Variants in UBAP1L observed in about 807,000 individuals in gnomAD.
UBAP1L encodes ubiquitin associated protein 1 like, also known as ubiquitin-associated protein 1-like.
A neutral mutation model predicts 32.1 loss-of-function variants in UBAP1L; 32 were observed. The ratio of observed to expected loss-of-function variants is 1.00; its 90% confidence interval spans 0.75 to 1.34. UBAP1L has a LOEUF of 1.34. Ranked by LOEUF, UBAP1L falls within the 40% of genes most tolerant of loss-of-function variation. The pLI, the probability that UBAP1L is intolerant of heterozygous loss-of-function variation, is 0.00. For missense variants in UBAP1L, 516 were observed against 540.5 expected (o/e 0.95, Z 0.45); for synonymous variants, 243 against 250.2 (o/e 0.97, Z 0.27).
rs1337949341 is a variant in UBAP1L at position 65,094,293 on chromosome 15, C to T, written c.1011+182G>A. On this transcript the variant is annotated intron_variant, in intron 5 of 5. Transcript: ENST00000559089. This position sits in a 1 kb window ranked among gnomAD's most constrained non-coding sequence, Gnocchi z 4.2. Reference sequence around the variant, plus strand: ...CTCCCTCTGTGCCTCTCACCTTTGTCCCTGCTGTAGCTCCCTGGGCCATCT... The same window carrying T: ...CTCCCTCTGTGCCTCTCACCTTTGTTCCTGCTGTAGCTCCCTGGGCCATCT... Among the ~76,000 whole-genome samples, 1 of 152,192 alleles carries T rather than the reference C, an allele frequency of 6.6e-6. No individual in the cohort carries two copies. The highest frequency in any genetic ancestry group is 1.5e-5 in the Non-Finnish European group (1 of 68,028).
chr15:65,110,384 CAAA>C (rs1566969680), intron 1 of UBAP1L, among the ~76,000 whole-genome samples: 1 of 130,662 alleles, frequency 7.7e-6, no homozygotes, highest in African/African-American at 2.9e-5. Flanking sequence ...ACAAAACAAA[CAAA>C]AAAAACTTGG....
In UBAP1L at chr15:65,093,151, G is replaced by T; in HGVS notation, c.1092C>A (p.Val364=). The part of the protein sequence containing the change: ...QQDRIKEVLL[V]HGNRREQALE... The stretch of plus-strand genomic sequence containing the variant: ...GGGCTTGCTCTCGGCGGTTGCCATG[G>T]ACCAGCAGCACCTCCTTGATCCGGT... Residue 364 remains valine (V), a synonymous_variant, in exon 6 of 6, where the codon GTC becomes GTA. Transcript: ENST00000559089. 3 of 1,549,520 alleles carry T rather than the reference G, an allele frequency of 1.9e-6. No individual in the cohort carries two copies. The highest frequency in any genetic ancestry group is 1.7e-6 in the Non-Finnish European group (2 of 1,146,592).
At chr15:65,101,929 A>C (rs1158686348) in intron 3 of UBAP1L, among the ~76,000 whole-genome samples, 177 bp downstream of exon 3, 1 of 152,070 alleles carries the variant, frequency 6.6e-6, no homozygotes, top group Non-Finnish European at 1.5e-5. Context: ...GGACTACTCT[A>C]CTCTAGTCAA....
chr15:65,092,967 A>C lies in UBAP1L; in HGVS notation c.*130T>G. ...GCTGCTGTTAACTGTCACCCTTGGT[A>C]TTATTTGTGTTTTTACAATAAGTAT... is the stretch of plus-strand genomic sequence containing the variant. On this transcript the variant is annotated 3_prime_UTR_variant, in exon 6 of 6. Coordinates refer to ENST00000559089, the MANE Select transcript of UBAP1L (RefSeq NM_001163692.2). 8.1e-7 allele frequency: 1 copy of C among 1,227,660 alleles called. No homozygotes were observed. The highest frequency in any genetic ancestry group is 1.1e-6 in the Non-Finnish European group (1 of 912,056). The allele number at this position is 1,227,660 out of a possible 1,614,324, so 76.0% of individuals were successfully genotyped here. A position where few individuals can be genotyped will look rare whatever the true frequency, so the allele number is the denominator to read the frequency against.
chr15:65,099,103 T>C (rs1420894858), intron 4 of UBAP1L: 1 of 181,222 alleles, frequency 5.5e-6, no homozygotes, highest in African/African-American at 2.4e-5. Context: ...GAGTGAACTC[T>C]ATTAGAAGAA....
At chr15:65,105,597 T>A in intron 2 of UBAP1L, 1 of 615,358 alleles carries the variant, frequency 1.6e-6, no homozygotes, top group South Asian at 1.5e-5. Flanking sequence ...AGGTTCAAAT[T>A]TTCGTGTTCA....
At chr15:65,100,204 A>G (rs1223831262) in intron 3 of UBAP1L, 1 of 151,996 alleles carries the variant, frequency 6.6e-6, no homozygotes, top group Admixed American at 6.6e-5. Context: ...AGATCGCACC[A>G]TTGCACTCCA....
At chr15:65,097,652 A>G (rs912013649) in intron 4 of UBAP1L, 3 of 152,204 alleles carry the variant, frequency 2.0e-5, no homozygotes, top group Non-Finnish European at 4.4e-5. Context: ...GATTCATGCA[A>G]GAAAATGTTC....
At chr15:65,112,834 G>A (rs2087377430) in intron 1 of UBAP1L, among the ~76,000 whole-genome samples, 1 of 152,090 alleles carries the variant, frequency 6.6e-6, no homozygotes, top group African/African-American at 2.4e-5. Flanking sequence ...TGAGCCAGGT[G>A]CACGAGTACT....
In UBAP1L at chr15:65,106,302, C is replaced by T; in HGVS notation, c.-87G>A. The T allele has an allele frequency of 1.5e-6, 2 of 1,367,196 alleles. No homozygotes were observed. Among genetic ancestry groups the T allele is most frequent in the South Asian group, 3.2e-5 (2 of 63,006 alleles). 84.7% of individuals were successfully genotyped at this position (1,367,196 alleles called of 1,614,324 possible). A position where few individuals can be genotyped will look rare whatever the true frequency, so the allele number is the denominator to read the frequency against. The stretch of plus-strand genomic sequence containing the variant: ...AGAGTCGAGTCCTGAGGACCAGGCT[C>T]AGGCCTCAAATGGCCTCACTGCTCT... On this transcript the variant is annotated 5_prime_UTR_variant, in exon 2 of 6. Coordinates refer to ENST00000559089, the MANE Select transcript of UBAP1L (RefSeq NM_001163692.2).
rs1162907058 is a variant in UBAP1L, at chr15:65,102,401, C to A, written c.404G>T (p.Ser135Ile). ...GCACAGGCGACGGCCGGGGCCGGGG[C>A]TCGCCGGGGAGCCCGGTTGGAGGCT... Reference protein sequence around the residue: ...PSSLQPGSPASPGPGRRLCSL... With the variant: ...PSSLQPGSPAIPGPGRRLCSL... The change falls in exon 3 of 6, where the codon AGC becomes ATC. Residue 135 changes from serine to isoleucine, a missense_variant. By Grantham distance (142) the Ser-to-Ile change is moderately radical. Coordinates refer to ENST00000559089, the MANE Select transcript of UBAP1L (RefSeq NM_001163692.2). The surrounding 1 kb of genome is among the most constrained non-coding windows in gnomAD (Gnocchi z 5.0). 4.9e-6 allele frequency: 7 copies of A among 1,431,388 alleles called. No homozygotes were observed. In the East Asian group the frequency reaches 8.5e-5, roughly 17 times the overall value. 88.7% of individuals were successfully genotyped at this position (1,431,388 alleles called of 1,614,324 possible). A position where few individuals can be genotyped will look rare whatever the true frequency, so the allele number is the denominator to read the frequency against.
chr15:65,110,403 C>T (rs973606973), intron 1 of UBAP1L, among the ~76,000 whole-genome samples: 4 of 150,508 alleles, frequency 2.7e-5, no homozygotes, highest in African/African-American at 7.4e-5. Context: ...CTTGGCCGGG[C>T]GTGGTGGCTA....
In UBAP1L at chr15:65,109,396, T is replaced by G. The variant is rs558132732; in HGVS notation, c.-173-3008A>C. Among the ~76,000 whole-genome samples the G allele has an allele frequency of 3.2e-3, 431 of 135,308 alleles. 1 individual carries two copies. Among genetic ancestry groups the G allele is most frequent in the Non-Finnish European group, 5.7e-3 (374 of 65,478 alleles). 88.8% of individuals were successfully genotyped at this position (135,308 alleles called of 152,430 possible). ...TACTCAGGAGGCTGAGGCAGGAGAA[T>G]GGCATGAACCCAGGAGGCGGAGCTT... On this transcript the variant is annotated intron_variant, in intron 1 of 5. Coordinates refer to ENST00000559089, the MANE Select transcript of UBAP1L (RefSeq NM_001163692.2).
At chr15:65,099,933 T>C (rs966853326) in intron 3 of UBAP1L, 1 of 469,094 alleles carries the variant, frequency 2.1e-6, no homozygotes, top group Non-Finnish European at 3.8e-6. Context: ...CACGGGACTA[T>C]CAGGAGACTT....
At chr15:65,110,446 G>T (rs1228980150) in intron 1 of UBAP1L, among the ~76,000 whole-genome samples, 1 of 151,692 alleles carries the variant, frequency 6.6e-6, no homozygotes, top group African/African-American at 2.4e-5. Context: ...GGGAGGCCGA[G>T]GTGGGTGGAT....
chr15:65,111,046 CTT>C (rs916391987), intron 1 of UBAP1L, among the ~76,000 whole-genome samples: 7 of 152,206 alleles, frequency 4.6e-5, no homozygotes, highest in African/African-American at 1.7e-4. Flanking sequence ...TTTGTCAACT[CTT>C]GTTAGTGTCT....
At chr15:65,113,331 C>T (rs1345252167) in intron 1 of UBAP1L, among the ~76,000 whole-genome samples, 1 of 152,212 alleles carries the variant, frequency 6.6e-6, no homozygotes, top group African/African-American at 2.4e-5. Context: ...TCCTCTCCTC[C>T]CATCTTACTC....
intron 2 of UBAP1L, chr15:65,105,473 ACT>A (rs1043748029): frequency 7.6e-6 from 3 of 396,926 alleles, no homozygotes; most frequent in African/African-American, 4.2e-5. Flanking sequence ...ACAGAGCGAG[ACT>A]CTGTCTGAAA....
chr15:65,105,605 T>C, intron 2 of UBAP1L: 1 of 629,340 alleles, frequency 1.6e-6, no homozygotes, highest in Non-Finnish European at 3.0e-6. Flanking sequence ...ATTTTCGTGT[T>C]CACTTTAAGA....
Sources: allele counts gnomAD v4.1 joint callset (sites outside exome capture counted in the v4.1 genomes callset), GRCh38; gene constraint gnomAD v4.1.1; non-coding constraint Gnocchi (gnomAD v3.1); transcripts MANE v1.5; gene names NCBI Gene and HGNC (gene_info 2026-07-23, HGNC 2026-07-21).